KLF12: variants seen among roughly 807,000 people sequenced by gnomAD.
KLF12 encodes Krueppel-like factor 12.
In KLF12, 9 loss-of-function variants were observed where a neutral mutation model predicts 37.8. The observed-to-expected ratio is 0.24, with a 90% CI of 0.14 to 0.42. KLF12 has a LOEUF of 0.42. KLF12 is among the 10% of genes least tolerant of loss of function. KLF12 has a pLI of 1.00. For missense variants in KLF12, 411 were observed against 516.0 expected (o/e 0.80, Z 1.97); for synonymous variants, 208 against 202.1 (o/e 1.03, Z -0.25).
At chr13:74,142,999 T>TTTCC in the KLF12 span, among the ~76,000 whole-genome samples, 2 of 151,194 alleles carry the variant, frequency 1.3e-5, no homozygotes, top group African/African-American at 2.4e-5. Context: ...TCCTTCCTTC[T>TTTCC]TTCCTTCCTT....
At chr13:74,225,047 C>G in the KLF12 span, among the ~76,000 whole-genome samples, 8 of 152,084 alleles carry the variant, frequency 5.3e-5, no homozygotes, top group East Asian at 7.7e-4. Context: ...TGGCTTTCTC[C>G]TTGATTGCAT....
intron 3 of KLF12, among the ~76,000 whole-genome samples, chr13:73,851,463 T>C (rs1594169646): frequency 2.0e-5 from 3 of 152,320 alleles, no homozygotes; most frequent in Admixed American, 2.0e-4. Flanking sequence ...CTGAGTTAGA[T>C]TGGCCCACAG....
chr13:73,837,953 T>C (rs1884526095), intron 4 of KLF12, among the ~76,000 whole-genome samples: 1 of 152,060 alleles, frequency 6.6e-6, no homozygotes, highest in African/African-American at 2.4e-5. Flanking sequence ...AAGAGGACAG[T>C]CACATGTAAG....
At chr13:73,933,114 C>G (rs749340449) in intron 3 of KLF12, among the ~76,000 whole-genome samples, 1 of 152,140 alleles carries the variant, frequency 6.6e-6, no homozygotes, top group East Asian at 1.9e-4. Flanking sequence ...TACATCTACT[C>G]AAAGGATTAC....
At chr13:74,030,682 G>A (rs1160022148) in intron 1 of KLF12, among the ~76,000 whole-genome samples, 1 of 151,992 alleles carries the variant, frequency 6.6e-6, no homozygotes, top group African/African-American at 2.4e-5. Flanking sequence ...AACAATAAAG[G>A]ATGCATTTAT....
Position 74,080,358 on chromosome 13 carries a change from G to A in KLF12, c.-32+53381C>T, listed in dbSNP as rs944260953. Among the ~76,000 whole-genome samples the A allele has an allele frequency of 9.9e-5, 15 of 152,222 alleles. 1 individual carries two copies. Among genetic ancestry groups the A allele is most frequent in the African/African-American group, 2.6e-4 (11 of 41,520 alleles). On this transcript the variant is annotated intron_variant, in intron 1 of 7. Coordinates refer to ENST00000377669, the MANE Select transcript of KLF12 (RefSeq NM_007249.5). ...AGCTACAATGGAGGCTGAGGTGGGA[G>A]GATCTCTTGAGCCTGAAAGTTCGAG...
chr13:74,112,225 T>C (rs1326247254), intron 1 of KLF12, among the ~76,000 whole-genome samples: 1 of 151,832 alleles, frequency 6.6e-6, no homozygotes, highest in Non-Finnish European at 1.5e-5. Context: ...TGTGTGTGTA[T>C]GATATGTATG....
At chr13:73,858,845 G>T (rs1272461154) in intron 3 of KLF12, among the ~76,000 whole-genome samples, 2 of 152,162 alleles carry the variant, frequency 1.3e-5, no homozygotes, top group East Asian at 3.8e-4. Flanking sequence ...GAGGAAAACA[G>T]AATTGTGCTC....
intron 4 of KLF12, among the ~76,000 whole-genome samples, chr13:73,827,721 C>T (rs772935972): frequency 2.2e-4 from 33 of 152,176 alleles, no homozygotes; most frequent in Non-Finnish European, 4.1e-4. Context: ...CATCACCATG[C>T]TCGGCTAATT....
the KLF12 span, among the ~76,000 whole-genome samples, chr13:74,219,753 A>G: frequency 1.3e-5 from 2 of 152,230 alleles, no homozygotes; most frequent in African/African-American, 4.8e-5. Context: ...TGAAGGAAAC[A>G]TTCCGTGGTC....
chr13:74,136,261 C>T (rs1593930873), upstream of KLF12, among the ~76,000 whole-genome samples: 1 of 152,242 alleles, frequency 6.6e-6, no homozygotes, highest in East Asian at 1.9e-4. Context: ...GCGGTGCGGT[C>T]TCTGTTCCGG....
rs374663142 is a variant in KLF12 at position 74,125,166 on chromosome 13, T to TACAC, written c.-32+8569_-32+8572dup. Among the ~76,000 whole-genome samples the TACAC allele has an allele frequency of 3.8e-3, 533 of 138,834 alleles. 4 individuals carry two copies. Among genetic ancestry groups the TACAC allele is most frequent in the African/African-American group, 9.9e-3 (375 of 38,002 alleles). The allele number at this position is 138,834 out of a possible 152,430, so 91.1% of individuals were successfully genotyped here. A position where few individuals can be genotyped will look rare whatever the true frequency, so the allele number is the denominator to read the frequency against. On this transcript the variant is annotated intron_variant, in intron 1 of 7. Transcript: ENST00000377669. ...TTTCAAAAAAAAAAATATATATATA[T>TACAC]ACACACACACACACACACACACAGT...
At chr13:74,023,691 C>T (rs899731233) in intron 1 of KLF12, among the ~76,000 whole-genome samples, 1 of 152,140 alleles carries the variant, frequency 6.6e-6, no homozygotes, top group Non-Finnish European at 1.5e-5. Flanking sequence ...CTAGGATGAC[C>T]TCATCTTAAT....
chr13:73,874,807 T>C (rs1310705755), intron 3 of KLF12, among the ~76,000 whole-genome samples: 1 of 152,220 alleles, frequency 6.6e-6, no homozygotes, highest in African/African-American at 2.4e-5. Flanking sequence ...TCCTTGATAC[T>C]GAAATTTTCA....
At chr13:73,844,978 G>A (rs1330640491) in intron 4 of KLF12, 2 of 152,106 alleles carry the variant, frequency 1.3e-5, no homozygotes, top group East Asian at 3.9e-4. Flanking sequence ...TTCATGGGTA[G>A]TGAAGAAAGA....
chr13:73,744,187 G>A (rs1878205367), intron 6 of KLF12, among the ~76,000 whole-genome samples: 1 of 152,162 alleles, frequency 6.6e-6, no homozygotes, highest in Non-Finnish European at 1.5e-5. Flanking sequence ...CTGACTTTGG[G>A]TAGCATGGAT....
intron 5 of KLF12, among the ~76,000 whole-genome samples, chr13:73,784,279 C>G (rs555948449): frequency 1.9e-4 from 29 of 152,090 alleles, no homozygotes; most frequent in Non-Finnish European, 4.1e-4. Context: ...AACCCTAGTT[C>G]AAAAACCATC....
intron 3 of KLF12, among the ~76,000 whole-genome samples, chr13:73,851,185 A>T (rs1475551269): frequency 1.3e-5 from 2 of 152,222 alleles, no homozygotes; most frequent in African/African-American, 4.8e-5. Flanking sequence ...CTCCGGTTAG[A>T]ACTAAAAATT....
chr13:74,064,095 C>A (rs1873766517), intron 1 of KLF12, among the ~76,000 whole-genome samples: 1 of 152,090 alleles, frequency 6.6e-6, no homozygotes, highest in African/African-American at 2.4e-5. Context: ...GGAAAAAAAT[C>A]ACAAACATTC....
Sources: allele counts gnomAD v4.1 joint callset (sites outside exome capture counted in the v4.1 genomes callset), GRCh38; gene constraint gnomAD v4.1.1; transcripts MANE v1.5; gene names NCBI Gene and HGNC (gene_info 2026-07-23, HGNC 2026-07-21).